FHIT: variants seen among roughly 807,000 people sequenced by gnomAD.
The protein encoded by FHIT is bis(5'-adenosyl)-triphosphatase.
Under a neutral mutation model 17.9 loss-of-function variants are expected in FHIT, and 19 were observed. That is an observed-to-expected ratio of 1.06 (90% confidence interval 0.74 to 1.56). The LOEUF (loss-of-function observed/expected upper bound fraction) is 1.56, where lower values mean the gene tolerates loss of function less well. FHIT is among the 40% of genes most tolerant of loss of function. The pLI is 0.00. For missense variants in FHIT, 248 were observed against 189.2 expected (o/e 1.31, Z -1.82); for synonymous variants, 81 against 69.7 (o/e 1.16, Z -0.81).
At chr3:60,110,778 T>G (rs753268574) in intron 5 of FHIT, among the ~76,000 whole-genome samples, 1 of 152,208 alleles carries the variant, frequency 6.6e-6, no homozygotes, top group Non-Finnish European at 1.5e-5. Flanking sequence ...CATTACCCAG[T>G]TAAGGAAGGG....
intron 5 of FHIT, among the ~76,000 whole-genome samples, chr3:60,351,227 G>A (rs376200290): frequency 2.0e-5 from 3 of 152,314 alleles, no homozygotes; most frequent in East Asian, 1.9e-4. Context: ...ACCCCTTAAT[G>A]TTAATTAACT....
chr3:59,813,685 G>T (rs1252896329), intron 8 of FHIT, among the ~76,000 whole-genome samples: 1 of 152,140 alleles, frequency 6.6e-6, no homozygotes, highest in Non-Finnish European at 1.5e-5. Flanking sequence ...TTATTTATTA[G>T]GATGGTTTTT....
chr3:61,002,503 C>G (rs1040634123), intron 3 of FHIT, among the ~76,000 whole-genome samples: 1 of 152,040 alleles, frequency 6.6e-6, no homozygotes, highest in African/African-American at 2.4e-5. Flanking sequence ...CTCAAGTGAT[C>G]CTCCCACCTC....
chr3:60,810,480 T>C (rs1318956070), intron 4 of FHIT, among the ~76,000 whole-genome samples: 2 of 152,182 alleles, frequency 1.3e-5, no homozygotes, highest in Non-Finnish European at 2.9e-5. Flanking sequence ...AATGAGCATA[T>C]ACTGTGTGCA....
chr3:59,839,371 GTACCATA>G (rs1701452258), intron 8 of FHIT, among the ~76,000 whole-genome samples: 1 of 151,510 alleles, frequency 6.6e-6, no homozygotes, highest in Non-Finnish European at 1.5e-5. Flanking sequence ...CTTATCATTA[GTACCATA>G]CAGGCTTTCC....
At chr3:60,584,859 T>G (rs2107685264) in intron 4 of FHIT, among the ~76,000 whole-genome samples, 1 of 152,168 alleles carries the variant, frequency 6.6e-6, no homozygotes, top group Admixed American at 6.6e-5. Context: ...GTTCCTGAAC[T>G]ATATATTATT....
At chr3:60,346,905 T>TAA (rs1710809194) in intron 5 of FHIT, among the ~76,000 whole-genome samples, 1 of 152,220 alleles carries the variant, frequency 6.6e-6, no homozygotes, top group Non-Finnish European at 1.5e-5. Flanking sequence ...AATAGATTTT[T>TAA]AAAATTTATT....
intron 8 of FHIT, among the ~76,000 whole-genome samples, chr3:59,790,545 T>C (rs1403089109): frequency 6.6e-6 from 1 of 152,006 alleles, no homozygotes; most frequent in East Asian, 1.9e-4. Flanking sequence ...TGTGTGTGTA[T>C]AAATCATCTG....
At chr3:60,419,160 T>C (rs1459819197) in intron 5 of FHIT, among the ~76,000 whole-genome samples, 1 of 152,192 alleles carries the variant, frequency 6.6e-6, no homozygotes, top group Non-Finnish European at 1.5e-5. Flanking sequence ...CCAAGTCATC[T>C]TAGACAAGTT....
chr3:60,482,430 A>G (rs1200010586), intron 5 of FHIT, among the ~76,000 whole-genome samples: 2 of 152,186 alleles, frequency 1.3e-5, no homozygotes, highest in Non-Finnish European at 2.9e-5. Flanking sequence ...CATAATTTGA[A>G]GTAAAACACT....
At chr3:60,732,588 A>G in intron 4 of FHIT, 1 of 575,994 alleles carries the variant, frequency 1.7e-6, no homozygotes, top group South Asian at 1.5e-5. Flanking sequence ...ACGCGGCCCA[A>G]GGGCTCCGTG....
At chr3:60,631,279 G>A (rs1389004577) in intron 4 of FHIT, among the ~76,000 whole-genome samples, 3 of 152,074 alleles carry the variant, frequency 2.0e-5, no homozygotes, top group Admixed American at 2.0e-4. Flanking sequence ...ACTAGGCTGG[G>A]GAAGCCAGAT....
rs949029192 is a variant in FHIT at position 60,589,082 on chromosome 3, C to T, written c.-17-52103G>A. 3.3e-5 allele frequency among the ~76,000 whole-genome samples: 5 copies of T among 151,974 alleles called. 1 individual carries two copies. Among genetic ancestry groups the T allele is most frequent in the Admixed American group, 3.3e-4 (5 of 15,248 alleles). Reference sequence around the variant, plus strand: ...TCACCCGTTGGAGTCACAGGTGACTCAGCAACAGGGTTATGTAACAAGACC... The same window carrying T: ...TCACCCGTTGGAGTCACAGGTGACTTAGCAACAGGGTTATGTAACAAGACC... On this transcript the variant is annotated intron_variant, in intron 4 of 9. Coordinates refer to ENST00000492590, the MANE Select transcript of FHIT (RefSeq NM_002012.4).
intron 5 of FHIT, among the ~76,000 whole-genome samples, chr3:60,513,147 T>C (rs1257080496): frequency 6.6e-6 from 1 of 152,210 alleles, no homozygotes; most frequent in Admixed American, 6.5e-5. Context: ...GACTACTGTT[T>C]GTTAGAGGGT....
intron 5 of FHIT, among the ~76,000 whole-genome samples, chr3:60,414,492 G>C (rs930011176): frequency 6.6e-6 from 1 of 152,102 alleles, no homozygotes; most frequent in African/African-American, 2.4e-5. Context: ...AGACAACTAT[G>C]ACCACTACTG....
chr3:60,861,017 T>C (rs1703782125), intron 3 of FHIT, among the ~76,000 whole-genome samples: 1 of 104,214 alleles, frequency 9.6e-6, no homozygotes, highest in Non-Finnish European at 2.1e-5. Context: ...ATATGATACA[T>C]ATATACGTAT....
intron 3 of FHIT, among the ~76,000 whole-genome samples, chr3:60,951,244 C>G (rs1212954263): frequency 2.0e-5 from 3 of 152,122 alleles, no homozygotes; most frequent in African/African-American, 7.2e-5. Context: ...GTTGGAGTCT[C>G]AAATCATCCA....
intron 5 of FHIT, among the ~76,000 whole-genome samples, chr3:60,207,242 A>C: frequency 6.6e-6 from 1 of 152,244 alleles, no homozygotes; most frequent in Middle Eastern, 3.4e-3. Flanking sequence ...ATAAAAATTT[A>C]GAAATTAGAA....
chr3:60,337,086 T>C (rs1050265481), intron 5 of FHIT, among the ~76,000 whole-genome samples: 6 of 152,166 alleles, frequency 3.9e-5, no homozygotes, highest in African/African-American at 1.4e-4. Flanking sequence ...TTTGCTTTTC[T>C]ACAAGACGGA....
Sources: allele counts gnomAD v4.1 joint callset (sites outside exome capture counted in the v4.1 genomes callset), GRCh38; gene constraint gnomAD v4.1.1; transcripts MANE v1.5; gene names NCBI Gene and HGNC (gene_info 2026-07-23, HGNC 2026-07-21).